The following EXT1 variants were observed in gnomAD, a reference collection of about 807,000 sequenced individuals.
EXT1 encodes exostosin glycosyltransferase 1.
In EXT1, 20 loss-of-function variants were observed where a neutral mutation model predicts 82.5. The observed-to-expected ratio is 0.24, with a 90% CI of 0.17 to 0.35. The LOEUF is 0.35. EXT1 is among the 10% of genes least tolerant of loss of function. EXT1 has a pLI of 1.00. For missense variants in EXT1, 757 were observed against 936.5 expected (o/e 0.81, Z 2.50); for synonymous variants, 348 against 350.8 (o/e 0.99, Z 0.09).
chr8:118,068,125 G>A (rs1478498226), intron 1 of EXT1, among the ~76,000 whole-genome samples: 2 of 152,216 alleles, frequency 1.3e-5, no homozygotes. Context: ...CTGCTAAGCA[G>A]GTTGGTTCGG....
intron 1 of EXT1, among the ~76,000 whole-genome samples, chr8:117,959,329 C>T (rs11562821): frequency 0.061 from 9,321 of 152,296 alleles, 643 homozygotes; most frequent in African/African-American, 0.17. Context: ...GCCTGTTCCC[C>T]TGGCCTCACC....
chr8:118,077,346 C>G (rs1817230546), intron 1 of EXT1, among the ~76,000 whole-genome samples: 1 of 152,186 alleles, frequency 6.6e-6, no homozygotes, highest in African/African-American at 2.4e-5. Flanking sequence ...AAATTCCCAC[C>G]AAAGGAGGAC....
intron 1 of EXT1, among the ~76,000 whole-genome samples, chr8:118,048,376 T>A (rs941332476): frequency 2.6e-5 from 4 of 152,186 alleles, no homozygotes; most frequent in Admixed American, 1.3e-4. Flanking sequence ...AAAAGATCAA[T>A]ACCAAAACCC....
intron 1 of EXT1, among the ~76,000 whole-genome samples, chr8:117,882,128 C>T (rs1403653918): frequency 1.3e-5 from 2 of 152,228 alleles, no homozygotes; most frequent in Non-Finnish European, 2.9e-5. Context: ...GTCGCCCAGA[C>T]TGGAGTGCAG....
rs189240021 is a variant in EXT1 at position 117,993,696 on chromosome 8, T to C, written c.962+116389A>G. ...TCTGGAGACTCACAATCCATGAGTA[T>C]AGTTAAGGCTGAGAAAATCTTCTGG... On this transcript the variant is annotated intron_variant, in intron 1 of 10. Coordinates refer to ENST00000378204, the MANE Select transcript of EXT1 (RefSeq NM_000127.3). Among the ~76,000 whole-genome samples the C allele has an allele frequency of 3.3e-5, 5 of 152,308 alleles. No homozygotes were observed. In the East Asian group the frequency reaches 7.7e-4, roughly 23 times the overall value.
intron 1 of EXT1, among the ~76,000 whole-genome samples, chr8:117,987,860 G>T (rs1360017400): frequency 6.6e-6 from 1 of 152,188 alleles, no homozygotes; most frequent in Non-Finnish European, 1.5e-5. Flanking sequence ...GGCCTAGGCG[G>T]AAGGATCGCT....
intron 1 of EXT1, among the ~76,000 whole-genome samples, chr8:117,848,637 G>A (rs1301123398): frequency 6.6e-6 from 1 of 152,102 alleles, no homozygotes. Context: ...CTGAGCACTG[G>A]GACGCCATGA....
intron 1 of EXT1, among the ~76,000 whole-genome samples, chr8:118,102,035 G>A (rs1465870353): frequency 6.6e-6 from 1 of 151,546 alleles, no homozygotes; most frequent in African/African-American, 2.4e-5. Context: ...GGGAGGCTAA[G>A]GTGGGTAGAT....
At chr8:117,850,056 T>C (rs562806122) in intron 1 of EXT1, among the ~76,000 whole-genome samples, 38 of 152,364 alleles carry the variant, frequency 2.5e-4, no homozygotes, top group African/African-American at 8.7e-4. Flanking sequence ...GGGTTTCAGC[T>C]ATTAACCAAT....
chr8:118,023,075 A>G (rs1816140165), intron 1 of EXT1, among the ~76,000 whole-genome samples: 1 of 152,228 alleles, frequency 6.6e-6, no homozygotes, highest in Non-Finnish European at 1.5e-5. Flanking sequence ...CAAGGTCCCA[A>G]TATTTCCTGG....
intron 1 of EXT1, among the ~76,000 whole-genome samples, chr8:118,038,058 A>G (rs1160833146): frequency 2.0e-5 from 3 of 151,768 alleles, no homozygotes; most frequent in Non-Finnish European, 4.4e-5. Flanking sequence ...ACTCCTGACC[A>G]CAGGTGATTC....
chr8:118,050,982 G>GA (rs1481947743), intron 1 of EXT1, among the ~76,000 whole-genome samples: 1 of 151,944 alleles, frequency 6.6e-6, no homozygotes, highest in Non-Finnish European at 1.5e-5. Context: ...GAAAGAATGG[G>GA]AAAAAAAGAA....
intron 7 of EXT1, among the ~76,000 whole-genome samples, chr8:117,816,061 T>C (rs148371828): frequency 6.6e-6 from 1 of 152,130 alleles, no homozygotes; most frequent in African/African-American, 2.4e-5. Flanking sequence ...AATAATTATA[T>C]AAAACACAAT....
intron 1 of EXT1, among the ~76,000 whole-genome samples, chr8:118,018,205 T>A (rs1816034851): frequency 6.6e-6 from 1 of 152,176 alleles, no homozygotes; most frequent in Non-Finnish European, 1.5e-5. Context: ...ATAGGGTCAT[T>A]GCAGATGTAA....
At chr8:118,102,671 A>G (rs1394849487) in intron 1 of EXT1, among the ~76,000 whole-genome samples, 1 of 152,230 alleles carries the variant, frequency 6.6e-6, no homozygotes, top group Non-Finnish European at 1.5e-5. Context: ...GCAGAGACAG[A>G]GCCACATAAA....
chr8:117,887,196 C>G (rs1240528737), intron 1 of EXT1, among the ~76,000 whole-genome samples: 1 of 152,148 alleles, frequency 6.6e-6, no homozygotes, highest in Non-Finnish European at 1.5e-5. Context: ...TCTAAGATAT[C>G]TATTGGCCAA....
chr8:117,871,536 T>G (rs938477755), intron 1 of EXT1, among the ~76,000 whole-genome samples: 2 of 152,214 alleles, frequency 1.3e-5, no homozygotes, highest in Non-Finnish European at 2.9e-5. Context: ...GGTGTTAAAT[T>G]ATCTGACACT....
At chr8:117,968,451 T>C (rs1325961159) in intron 1 of EXT1, among the ~76,000 whole-genome samples, 1 of 152,006 alleles carries the variant, frequency 6.6e-6, no homozygotes, top group African/African-American at 2.4e-5. Context: ...AGGCAATAAG[T>C]ATCACAGCTG....
chr8:117,937,005 G>A (rs1265684353), intron 1 of EXT1, among the ~76,000 whole-genome samples: 24 of 152,144 alleles, frequency 1.6e-4, no homozygotes, highest in Admixed American at 1.6e-3. Context: ...ACAGGAGATG[G>A]AAAACACCAT....
Sources: allele counts gnomAD v4.1 joint callset (sites outside exome capture counted in the v4.1 genomes callset), GRCh38; gene constraint gnomAD v4.1.1; transcripts MANE v1.5; gene names NCBI Gene and HGNC (gene_info 2026-07-23, HGNC 2026-07-21).